The following EFEMP1 variants were observed in gnomAD, a reference collection of about 807,000 sequenced individuals.
EFEMP1 encodes the protein EGF-like fibulin extracellular matrix protein 1.
Under a neutral mutation model 65.7 loss-of-function variants are expected in EFEMP1, and 18 were observed. The ratio of observed to expected loss-of-function variants is 0.27; its 90% CI spans 0.19 to 0.41. The LOEUF is 0.41. EFEMP1 is among the 10% of genes least tolerant of loss of function. EFEMP1 has a pLI of 1.00. For synonymous variants in EFEMP1, 237 were observed against 219.7 expected, an observed-to-expected ratio of 1.08 and a Z score of -0.70; for missense variants, 469 against 624.8, an observed-to-expected ratio of 0.75 and a Z score of 2.66.
rs984468030 is a variant in EFEMP1, at chr2:55,919,937, A to G, written c.82-1670T>C. ...TACTAAGAAAGGCTTTTGCTGGCCC[A>G]TGAGTAGGCAAGGCCCCGCATCTCT... On this transcript the variant is annotated intron_variant, in intron 3 of 11. Transcript: ENST00000355426. This position sits in a 1 kb window ranked among gnomAD's most constrained non-coding sequence, Gnocchi z 4.5. Among the ~76,000 whole-genome samples, 4 of 152,272 alleles carry G rather than the reference A, an allele frequency of 2.6e-5. No individual in the cohort carries two copies. The highest frequency in any genetic ancestry group is 1.5e-5 in the Non-Finnish European group (1 of 68,026).
intron 5 of EFEMP1, among the ~76,000 whole-genome samples, chr2:55,912,442 A>G (rs925312575): frequency 6.6e-6 from 1 of 152,208 alleles, no homozygotes; most frequent in Admixed American, 6.5e-5. Flanking sequence ...TAAGTTTAAA[A>G]TGAAAGAAGT....
At position 55,922,908 on chromosome 2, in the gene EFEMP1, G is replaced by C; in HGVS notation, c.-17C>G. 4 of 1,098,084 alleles carry C rather than the reference G, an allele frequency of 3.6e-6. No homozygotes were observed. The highest frequency in any genetic ancestry group is 4.5e-6 in the Non-Finnish European group (4 of 896,328). 68.0% of individuals were successfully genotyped at this position (1,098,084 alleles called of 1,614,324 possible). ...TTCCCAGTATACTCACCTTGAGCTA[G>C]CAGAGTTCCTTGCACAGCACAGCAA... is the stretch of plus-strand genomic sequence containing the variant. On this transcript the variant is annotated 5_prime_UTR_variant, in exon 2 of 12. Transcript: ENST00000355426. This position sits in a 1 kb window ranked among gnomAD's most constrained non-coding sequence, Gnocchi z 5.5.
At position 55,871,182 on chromosome 2, in the gene EFEMP1, A is replaced by T; in HGVS notation, c.1001-59T>A. 6.2e-7 allele frequency: 1 copy of T among 1,608,770 alleles called. No individual in the cohort carries two copies. The highest frequency in any genetic ancestry group is 8.5e-7 in the Non-Finnish European group (1 of 1,177,780). Reference sequence around the variant, plus strand: ...TAAACTAATGAACTGATCTAATTAAATCATATAACTGGCAGATTCTGTTTG... The same window carrying T: ...TAAACTAATGAACTGATCTAATTAATTCATATAACTGGCAGATTCTGTTTG... On this transcript the variant is annotated intron_variant, in intron 9 of 11. Transcript: ENST00000355426. This position sits in a 1 kb window ranked among gnomAD's most constrained non-coding sequence, Gnocchi z 4.2.
At chr2:55,911,922 A>T (rs1230630103) in intron 5 of EFEMP1, among the ~76,000 whole-genome samples, 1 of 152,232 alleles carries the variant, frequency 6.6e-6, no homozygotes. Context: ...GCTGCAGCAT[A>T]TTGAAAAGTA....
chr2:55,898,561 A>G (rs914539445), intron 5 of EFEMP1, among the ~76,000 whole-genome samples: 4 of 151,998 alleles, frequency 2.6e-5, no homozygotes, highest in African/African-American at 9.7e-5. Context: ...GGCCCTTACC[A>G]CTAATGCTCC....
chr2:55,917,569 G>T lies in EFEMP1; in HGVS notation c.517+96C>A. 1 of 1,483,594 alleles carries T rather than the reference G, an allele frequency of 6.7e-7. No homozygotes were observed. The highest frequency in any genetic ancestry group is 9.4e-7 in the Non-Finnish European group (1 of 1,061,882). 91.9% of individuals were successfully genotyped at this position (1,483,594 alleles called of 1,614,324 possible). The stretch of plus-strand genomic sequence containing the variant: ...AGACAAAGCACTTAGCATGATGTCT[G>T]GCACGCGAGAAGTCCTTAATAAATT... On this transcript the variant is annotated intron_variant, in intron 5 of 11. Transcript: ENST00000355426. The surrounding 1 kb of genome is among the most constrained non-coding windows in gnomAD (Gnocchi z 6.3).
chr2:55,914,170 G>A (rs528091692), intron 5 of EFEMP1, among the ~76,000 whole-genome samples: 17 of 152,112 alleles, frequency 1.1e-4, no homozygotes, highest in Admixed American at 3.9e-4. Context: ...AATTAATTTC[G>A]AAAACTCTAT....
At chr2:55,910,342 G>A (rs553850144) in intron 5 of EFEMP1, among the ~76,000 whole-genome samples, 3 of 152,192 alleles carry the variant, frequency 2.0e-5, no homozygotes, top group South Asian at 2.1e-4. Flanking sequence ...TTGAGTGTGC[G>A]ATTTGCAATT....
chr2:55,920,461 T>C (rs1670874343), intron 3 of EFEMP1, among the ~76,000 whole-genome samples: 2 of 152,236 alleles, frequency 1.3e-5, no homozygotes, highest in Admixed American at 6.5e-5. Context: ...CTTATGCAGA[T>C]AGTTGTTGAG....
At chr2:55,899,689 G>C (rs1337822189) in intron 5 of EFEMP1, among the ~76,000 whole-genome samples, 3 of 152,144 alleles carry the variant, frequency 2.0e-5, no homozygotes, top group Non-Finnish European at 4.4e-5. Flanking sequence ...GGGAATTTAA[G>C]AGCAACATGA....
At chr2:55,907,878 C>T (rs1174235677) in intron 5 of EFEMP1, among the ~76,000 whole-genome samples, 1 of 152,218 alleles carries the variant, frequency 6.6e-6, no homozygotes, top group African/African-American at 2.4e-5. Flanking sequence ...ACATGCAGTT[C>T]CAGCTCCTGT....
At chr2:55,904,633 C>T (rs1670174076) in intron 5 of EFEMP1, among the ~76,000 whole-genome samples, 1 of 152,160 alleles carries the variant, frequency 6.6e-6, no homozygotes, top group South Asian at 2.1e-4. Context: ...TTCTCCTGCC[C>T]TTAAGAAAGG....
At chr2:55,888,359 A>G (rs1187004046) in intron 5 of EFEMP1, among the ~76,000 whole-genome samples, 3 of 94,440 alleles carry the variant, frequency 3.2e-5, no homozygotes, top group African/African-American at 8.7e-5. Context: ...TTTTTTTGAG[A>G]TGGAGTCTTG....
chr2:55,898,851 G>A (rs920149804), intron 5 of EFEMP1, among the ~76,000 whole-genome samples: 23 of 152,238 alleles, frequency 1.5e-4, no homozygotes, highest in Middle Eastern at 3.4e-3. Flanking sequence ...GGACTGGGGT[G>A]GGGAACAGTG....
intron 5 of EFEMP1, among the ~76,000 whole-genome samples, chr2:55,905,197 A>G (rs948833859): frequency 6.6e-6 from 1 of 152,110 alleles, no homozygotes; most frequent in South Asian, 2.1e-4. Flanking sequence ...TCCACTTCTC[A>G]GGACTTTTAC....
At chr2:55,882,578 A>G (rs997223044) in intron 5 of EFEMP1, among the ~76,000 whole-genome samples, 7 of 152,206 alleles carry the variant, frequency 4.6e-5, no homozygotes, top group Non-Finnish European at 8.8e-5. Context: ...TCATATTTAC[A>G]GTAATTTATA....
At chr2:55,915,841 C>T (rs2104449268) in intron 5 of EFEMP1, among the ~76,000 whole-genome samples, 2 of 152,078 alleles carry the variant, frequency 1.3e-5, no homozygotes, top group African/African-American at 2.4e-5. Context: ...AGTATTAACC[C>T]AAATACATGT....
chr2:55,879,394 TA>T (rs550944173), intron 6 of EFEMP1, among the ~76,000 whole-genome samples: 33 of 152,240 alleles, frequency 2.2e-4, no homozygotes, highest in Non-Finnish European at 3.7e-4. Context: ...TTATACTTTC[TA>T]ATAGCTCCAC....
chr2:55,912,973 A>G (rs1009036064), intron 5 of EFEMP1, among the ~76,000 whole-genome samples: 1 of 152,252 alleles, frequency 6.6e-6, no homozygotes, highest in Non-Finnish European at 1.5e-5. Flanking sequence ...AACAATGTAG[A>G]AACTTGCTCA....
Sources: gnomAD v4.1 joint callset for allele counts (sites outside exome capture counted in the v4.1 genomes callset) on GRCh38, gnomAD v4.1.1 for gene constraint, Gnocchi (gnomAD v3.1) non-coding constraint, MANE v1.5 for transcripts, NCBI Gene and HGNC (gene_info 2026-07-23, HGNC 2026-07-21) for gene names.